CNKSR2: variants seen among roughly 807,000 people sequenced by gnomAD.
The protein encoded by CNKSR2 is connector enhancer of kinase suppressor of Ras 2, also known as CNK homolog protein 2.
A neutral mutation model predicts 84.4 loss-of-function variants in CNKSR2; 14 were observed. That is an observed-to-expected ratio of 0.17 (90% CI 0.11 to 0.26). The LOEUF (loss-of-function observed/expected upper bound fraction) is 0.26, where lower values mean the gene tolerates loss of function less well. CNKSR2 is among the 10% of genes least tolerant of loss of function. The pLI is 1.00. For missense variants in CNKSR2, 485 were observed against 771.2 expected, an observed-to-expected ratio of 0.63 and a Z score of 4.40; for synonymous variants, 275 against 277.9, an observed-to-expected ratio of 0.99 and a Z score of 0.10.
At chrX:21,376,535 G>T (rs2089818832) in intron 1 of CNKSR2, among the ~76,000 whole-genome samples, 2 of 111,566 alleles carry the variant, frequency 1.8e-5, no homozygotes, top group Admixed American at 1.9e-4. Flanking sequence ...CATCTTTGCT[G>T]CTGCTTTTTC....
intron 8 of CNKSR2, among the ~76,000 whole-genome samples, chrX:21,512,441 T>C (rs146685742): frequency 0.011 from 1,244 of 111,987 alleles, 19 homozygotes; most frequent in African/African-American, 0.037. Context: ...TGTGATCAAC[T>C]ATACCGACAA....
chrX:21,442,111 G>T (rs1212472172), intron 4 of CNKSR2, among the ~76,000 whole-genome samples: 1 of 110,752 alleles, frequency 9.0e-6, no homozygotes. Context: ...TCCATTTGCA[G>T]GAATTTGTTT....
intron 18 of CNKSR2, among the ~76,000 whole-genome samples, chrX:21,605,769 C>T (rs12395597): frequency 0.053 from 5,881 of 111,640 alleles, 407 homozygotes; most frequent in African/African-American, 0.18. Flanking sequence ...GAGAGGGGTT[C>T]CTGTAAATAT....
intron 11 of CNKSR2, among the ~76,000 whole-genome samples, chrX:21,551,422 T>C (rs2092090967): frequency 8.9e-6 from 1 of 111,912 alleles, no homozygotes; most frequent in African/African-American, 3.3e-5. Flanking sequence ...CATATGTAGA[T>C]AAAATAGAAG....
chrX:21,444,032 C>G (rs183256409), intron 4 of CNKSR2, among the ~76,000 whole-genome samples: 1 of 110,755 alleles, frequency 9.0e-6, no homozygotes, highest in Non-Finnish European at 1.9e-5. Flanking sequence ...TAAATGTATT[C>G]CTGCTCAAAT....
At chrX:21,606,569 G>T (rs1033821130) in intron 18 of CNKSR2, 2 of 312,729 alleles carry the variant, frequency 6.4e-6, no homozygotes, top group African/African-American at 2.7e-5. Flanking sequence ...GCTTTAAAAG[G>T]ATGTTAGAAT....
At chrX:21,385,048 A>G (rs1204554087) in intron 1 of CNKSR2, among the ~76,000 whole-genome samples, 1 of 111,825 alleles carries the variant, frequency 8.9e-6, no homozygotes, top group African/African-American at 3.2e-5. Context: ...TGGGCAAAGG[A>G]CACAATTCAG....
At chrX:21,376,779 T>C (rs1015318936) in intron 1 of CNKSR2, among the ~76,000 whole-genome samples, 2 of 112,110 alleles carry the variant, frequency 1.8e-5, no homozygotes, top group African/African-American at 3.2e-5. Flanking sequence ...ATTACCTTCA[T>C]AGACTACCTT....
At chrX:21,585,854 T>C (rs1026939288) in intron 13 of CNKSR2, among the ~76,000 whole-genome samples, 1 of 111,577 alleles carries the variant, frequency 9.0e-6, no homozygotes, top group African/African-American at 3.3e-5. Flanking sequence ...AATGATGTTT[T>C]TGGAAAAAAT....
intron 5 of CNKSR2, among the ~76,000 whole-genome samples, chrX:21,480,459 G>A (rs780266297): frequency 3.6e-5 from 4 of 112,026 alleles, no homozygotes; most frequent in Non-Finnish European, 5.6e-5. Context: ...CTATCAATAT[G>A]TCCAGTCTGT....
intron 9 of CNKSR2, among the ~76,000 whole-genome samples, chrX:21,526,067 G>T (rs1242640124): frequency 9.0e-6 from 1 of 110,618 alleles, no homozygotes; most frequent in Non-Finnish European, 1.9e-5. Context: ...GCATCCTCAT[G>T]TACTGTTTAA....
rs1341496555 is a variant in CNKSR2 at position 21,595,379 on chromosome X, C to A, written c.1960C>A (p.Leu654Ile). ...AAGCTTTTATTTTGCTGCTGAACAT[C>A]TTGATGATATGAACAGGTAAAGTAT... ...IKSFYFAAEH[L>I]DDMNRWLNRI... The change falls in exon 17 of 22, where the codon CTT (leucine) becomes ATT (isoleucine). Residue 654 changes from leucine (L) to isoleucine (I), a missense_variant. Physicochemically the swap from Leu to Ile is conservative, Grantham distance 5. Around this residue, in one of 5 missense-constraint regions of CNKSR2, gnomAD observed 210 missense variants for 291.5 expected, o/e 0.72. Transcript: ENST00000379510. 1 of 1,176,508 alleles carries A rather than the reference C, an allele frequency of 8.5e-7. No homozygotes were observed. Among genetic ancestry groups the A allele is most frequent in the Admixed American group, 2.2e-5 (1 of 45,429 alleles).
chrX:21,588,613 A>G (rs941002834), intron 13 of CNKSR2, among the ~76,000 whole-genome samples: 1 of 111,906 alleles, frequency 8.9e-6, no homozygotes, highest in African/African-American at 3.2e-5. Flanking sequence ...CTCTGCAGTC[A>G]TGATCTTTAT....
At chrX:21,590,951 T>C in intron 14 of CNKSR2, 71 bp from the exon 15 acceptor site, 1 of 910,051 alleles carries the variant, frequency 1.1e-6, no homozygotes, top group Non-Finnish European at 1.5e-6. Flanking sequence ...CATACTTCTT[T>C]TTGGTATCTA....
chrX:21,590,921 T>A (rs1353217051), intron 14 of CNKSR2, 101 bp from the exon 15 acceptor site: 1 of 737,195 alleles, frequency 1.4e-6, no homozygotes, highest in Non-Finnish European at 2.0e-6. Context: ...ATATAAAAAT[T>A]TTTAAGATTT....
chrX:21,566,825 A>G (rs2092243438), intron 13 of CNKSR2, among the ~76,000 whole-genome samples: 1 of 111,645 alleles, frequency 9.0e-6, no homozygotes, highest in Non-Finnish European at 1.9e-5. Flanking sequence ...AAAATACACA[A>G]AGCAAGACAA....
intron 1 of CNKSR2, among the ~76,000 whole-genome samples, chrX:21,395,999 G>A (rs774278508): frequency 1.8e-5 from 2 of 111,604 alleles, no homozygotes; most frequent in Non-Finnish European, 3.8e-5. Context: ...AAATTCCTAA[G>A]ACATTAGGTT....
intron 11 of CNKSR2, among the ~76,000 whole-genome samples, chrX:21,555,204 G>A (rs2092128892): frequency 9.1e-6 from 1 of 109,355 alleles, no homozygotes; most frequent in Admixed American, 9.8e-5. Flanking sequence ...GGGTTATTTT[G>A]GAAATGAGAT....
chrX:21,606,936 T>G, intron 19 of CNKSR2, 57 bp downstream of exon 19: 1 of 642,753 alleles, frequency 1.6e-6, no homozygotes, highest in South Asian at 3.8e-5. Context: ...GAAACATCCT[T>G]TTGTATGTTA....
Sources: allele counts gnomAD v4.1 joint callset (sites outside exome capture counted in the v4.1 genomes callset), GRCh38; gene constraint gnomAD v4.1.1; regional missense constraint gnomAD v4.1.1; transcripts MANE v1.5; gene names NCBI Gene and HGNC (gene_info 2026-07-23, HGNC 2026-07-21).